Variants in SYNE2 observed in about 807,000 individuals in gnomAD.
SYNE2 encodes the protein nesprin-2.
Under a neutral mutation model 856.3 loss-of-function variants are expected in SYNE2, and 431 were observed. That is an observed-to-expected ratio of 0.50 (90% CI 0.47 to 0.55). SYNE2 has a LOEUF of 0.55. SYNE2 is among the 20% of genes least tolerant of loss of function. The pLI is 0.00. For missense variants in SYNE2, 8,129 were observed against 8,023.2 expected, an observed-to-expected ratio of 1.01 and a Z score of -0.50; for synonymous variants, 2,923 against 2,872.3, an observed-to-expected ratio of 1.02 and a Z score of -0.56.
At chr14:64,074,880 CAA>C (rs34470891) in intron 53 of SYNE2, among the ~76,000 whole-genome samples, 1 of 147,814 alleles carries the variant, frequency 6.8e-6, no homozygotes, top group African/African-American at 2.5e-5. Flanking sequence ...GGCTCCATCT[CAA>C]AAAAAAAAAA....
intron 58 of SYNE2, among the ~76,000 whole-genome samples, chr14:64,088,765 A>G (rs770084344): frequency 6.6e-6 from 1 of 152,106 alleles, no homozygotes; most frequent in Non-Finnish European, 1.5e-5. Flanking sequence ...CACATAGTAG[A>G]GGCAATTAAA....
chr14:64,049,998 G>A, intron 47 of SYNE2, 122 bp downstream of exon 47: 3 of 1,191,770 alleles, frequency 2.5e-6, no homozygotes, highest in Non-Finnish European at 3.6e-6. Flanking sequence ...TAAAACCACA[G>A]GATGGAATGT....
At chr14:63,995,425 C>G (rs1218577172) in intron 23 of SYNE2, among the ~76,000 whole-genome samples, 1 of 152,096 alleles carries the variant, frequency 6.6e-6, no homozygotes, top group African/African-American at 2.4e-5. Flanking sequence ...TATGATTTCC[C>G]TTGATGTGTC....
chr14:64,057,281 C>G (rs1003067049), intron 49 of SYNE2, among the ~76,000 whole-genome samples: 8 of 152,062 alleles, frequency 5.3e-5, no homozygotes, highest in African/African-American at 1.9e-4. Context: ...CACTACTCTT[C>G]CCAGTCTCTG....
intron 107 of SYNE2, 192 bp from the exon 108 acceptor site, chr14:64,216,056 T>A: frequency 6.7e-7 from 1 of 1,495,274 alleles, no homozygotes; most frequent in Non-Finnish European, 8.9e-7. Context: ...TGTACCCATC[T>A]AGTGAAGGCA....
Position 63,954,915 on chromosome 14 carries a change from G to T in SYNE2, c.787G>T (p.Asp263Tyr). 4 of 1,610,506 alleles carry T rather than the reference G, an allele frequency of 2.5e-6. No individual in the cohort carries two copies. The highest frequency in any genetic ancestry group is 3.4e-6 in the Non-Finnish European group (4 of 1,178,314). Residue 263 changes from aspartate to tyrosine, a missense_variant and splice_region_variant, in exon 8 of 116, where the codon GAT (aspartate) becomes TAT (tyrosine). Asp to Tyr is a radical substitution (Grantham distance 160). Transcript: ENST00000555002. ...AATCCCCAGATTGCTGGAACCAGAA[G>T]GTAAAGAAGCTTCTTTGTTTTTAAA... ...LKIPRLLEPE[D>Y]VDVVDPDEKS...
intron 83 of SYNE2, among the ~76,000 whole-genome samples, chr14:64,145,548 A>G (rs999575119): frequency 2.0e-5 from 3 of 151,700 alleles, no homozygotes; most frequent in African/African-American, 7.3e-5. Context: ...CACAGTAGTT[A>G]TAATGTATGT....
In SYNE2 at chr14:64,185,095, A is replaced by C. The variant is rs2153744718; in HGVS notation, c.17557-1329A>C. 2.6e-5 allele frequency among the ~76,000 whole-genome samples: 4 copies of C among 152,304 alleles called. No individual in the cohort carries two copies. In the South Asian group the frequency reaches 8.3e-4, roughly 32 times the overall value. ...AAATGGTGAGACTTCCATCTCTACA[A>C]AAAGATATAAAAATTAGCCAGTTGT... On this transcript the variant is annotated intron_variant, in intron 96 of 115. Coordinates refer to ENST00000555002, the MANE Select transcript of SYNE2 (RefSeq NM_182914.3).
chr14:64,119,208 T>C (rs2097878968), intron 66 of SYNE2, among the ~76,000 whole-genome samples: 1 of 152,244 alleles, frequency 6.6e-6, no homozygotes, highest in Admixed American at 6.5e-5. Flanking sequence ...TAAATTATTT[T>C]ACAGAGTGAC....
intron 18 of SYNE2, 109 bp downstream of exon 18, chr14:63,983,995 A>G: frequency 1.3e-6 from 1 of 785,412 alleles, no homozygotes; most frequent in South Asian, 1.8e-5. Context: ...TAATCCCAGC[A>G]CTTTGGGAGG....
In SYNE2 at chr14:63,923,032, T is replaced by A. The variant is rs182916964; in HGVS notation, c.79+13805T>A. Reference sequence around the variant, plus strand: ...ACCTTGATTTTTCAAAAGAAAAGTGTTCAGTTTTATGTGGTAGTTAAAAGG... The same window carrying A: ...ACCTTGATTTTTCAAAAGAAAAGTGATCAGTTTTATGTGGTAGTTAAAAGG... On this transcript the variant is annotated intron_variant, in intron 2 of 115. Transcript: ENST00000555002. 9.2e-5 allele frequency among the ~76,000 whole-genome samples: 14 copies of A among 152,314 alleles called. No individual in the cohort carries two copies. The East Asian group carries it at 2.7e-3, about 29-fold the overall frequency.
intron 1 of SYNE2, among the ~76,000 whole-genome samples, chr14:63,820,985 A>C (rs1463310386): frequency 6.6e-6 from 1 of 152,076 alleles, no homozygotes; most frequent in African/African-American, 2.4e-5. Flanking sequence ...TTCTAACCTC[A>C]GGTGATCCAC....
chr14:63,829,189 G>A (rs1437808887), intron 1 of SYNE2, among the ~76,000 whole-genome samples: 1 of 152,036 alleles, frequency 6.6e-6, no homozygotes, highest in Non-Finnish European at 1.5e-5. Context: ...GAGGTGGGAG[G>A]ATCGTTTGAG....
chr14:64,057,649 G>A lies in SYNE2; in HGVS notation c.10067+1383G>A, dbSNP rs116824223. ...GGTATATGCACAGCAGTGGGATTCC[G>A]GGATCATATGGTAGCTCTATTTTTA... On this transcript the variant is annotated intron_variant, in intron 49 of 115. Transcript: ENST00000555002. Among the ~76,000 whole-genome samples, 838 of 152,202 alleles carry A rather than the reference G, an allele frequency of 5.5e-3. 8 individuals are homozygous for A. The highest frequency in any genetic ancestry group is 0.019 in the African/African-American group (797 of 41,530).
intron 11 of SYNE2, 38 bp from the exon 12 acceptor site, chr14:63,976,525 A>C: frequency 6.3e-7 from 1 of 1,587,448 alleles, no homozygotes; most frequent in Non-Finnish European, 8.6e-7. Flanking sequence ...GAAAAGTTCT[A>C]CTGAAGAATA....
At chr14:63,814,908 ATATCCATATATC>A (rs1362512522) in intron 1 of SYNE2, among the ~76,000 whole-genome samples, 3 of 113,510 alleles carry the variant, frequency 2.6e-5, no homozygotes, top group East Asian at 5.4e-4. Context: ...ATATCCATAT[ATATCCATATATC>A]TATCCATATA....
At chr14:64,146,488 T>C (rs1392845741) in intron 84 of SYNE2, among the ~76,000 whole-genome samples, 1 of 152,228 alleles carries the variant, frequency 6.6e-6, no homozygotes, top group African/African-American at 2.4e-5. Context: ...TGGGGAAAAA[T>C]GTTCAAAGGG....
rs375467204 is a variant in SYNE2 at position 63,957,215 on chromosome 14, A to G, written c.787+2300A>G. On this transcript the variant is annotated intron_variant, in intron 8 of 115. Coordinates refer to ENST00000555002, the MANE Select transcript of SYNE2 (RefSeq NM_182914.3). ...TGGGTTAAAGCGATTCTTGTGCCTC[A>G]GCCTCCCCAGTAGCTGGGACTACAG... Among the ~76,000 whole-genome samples the G allele has an allele frequency of 1.3e-4, 19 of 148,990 alleles. No individual in the cohort carries two copies. In the East Asian group the frequency reaches 3.1e-3, roughly 25 times the overall value.
At chr14:63,986,979 C>A (rs532211120) in intron 19 of SYNE2, among the ~76,000 whole-genome samples, 152 of 152,238 alleles carry the variant, frequency 1.0e-3, no homozygotes, top group African/African-American at 3.6e-3. Flanking sequence ...TCAGGCTGGG[C>A]GCGGTGGCTC....
Sources: allele counts gnomAD v4.1 joint callset (sites outside exome capture counted in the v4.1 genomes callset), GRCh38; gene constraint gnomAD v4.1.1; transcripts MANE v1.5; gene names NCBI Gene and HGNC (gene_info 2026-07-23, HGNC 2026-07-21).